The following GABPB1 variants were observed in gnomAD, a reference collection of about 807,000 sequenced individuals.
GABPB1 encodes the protein GA binding protein transcription factor subunit beta 1, also known as GA-binding protein subunit beta-1.
A neutral mutation model predicts 45.9 loss-of-function variants in GABPB1; 15 were observed. That is an observed-to-expected ratio of 0.33 (90% CI 0.22 to 0.50). GABPB1 has a LOEUF of 0.50. Among genes scored for constraint, GABPB1 ranks in the 20% least tolerant of loss-of-function variants. GABPB1 has a pLI of 0.98. For synonymous variants in GABPB1, 143 were observed against 154.4 expected, an observed-to-expected ratio of 0.93 and a Z score of 0.55; for missense variants, 252 against 457.5, an observed-to-expected ratio of 0.55 and a Z score of 4.10.
intron 1 of GABPB1, among the ~76,000 whole-genome samples, chr15:50,328,641 G>A (rs1350944436): frequency 6.6e-6 from 1 of 152,128 alleles, no homozygotes; most frequent in African/African-American, 2.4e-5. Flanking sequence ...TCCTTCCAAT[G>A]TAAAGTTATA....
intron 1 of GABPB1, among the ~76,000 whole-genome samples, chr15:50,332,997 C>T (rs1030272939): frequency 1.4e-4 from 22 of 152,128 alleles, no homozygotes; most frequent in Non-Finnish European, 2.5e-4. Context: ...TAAAAACATA[C>T]TGTCCAATAT....
rs2045840003 is a variant in GABPB1 at position 50,276,464 on chromosome 15, G to A, written c.*2168C>T. 1 of 152,230 alleles carries A rather than the reference G, an allele frequency of 6.6e-6. No homozygotes were observed. Among genetic ancestry groups the A allele is most frequent in the Non-Finnish European group, 1.5e-5 (1 of 68,032 alleles). 9.4% of individuals were successfully genotyped at this position (152,230 alleles called of 1,614,324 possible). A position where few individuals can be genotyped will look rare whatever the true frequency, so the allele number is the denominator to read the frequency against. On this transcript the variant is annotated 3_prime_UTR_variant, in exon 9 of 9. Transcript: ENST00000380877. ...GTAACAATGACTCTGAAAAAGGTGA[G>A]CTTCCTCCACAGATACCTGAGTACC...
intron 2 of GABPB1, among the ~76,000 whole-genome samples, chr15:50,308,035 A>G (rs2047006393): frequency 6.6e-6 from 1 of 151,886 alleles, no homozygotes; most frequent in Middle Eastern, 3.4e-3. Flanking sequence ...TCAGTTTACT[A>G]ATTTTCTCTT....
At chr15:50,326,666 A>C (rs2047778181) in intron 1 of GABPB1, among the ~76,000 whole-genome samples, 1 of 151,988 alleles carries the variant, frequency 6.6e-6, no homozygotes, top group Non-Finnish European at 1.5e-5. Context: ...CGTCTCAAAA[A>C]AAAAAATGAA....
chr15:50,303,164 T>G (rs764161622), intron 3 of GABPB1, 41 bp from the exon 4 acceptor site: 2 of 1,475,172 alleles, frequency 1.4e-6, no homozygotes, highest in African/African-American at 2.8e-5. Context: ...ATATGAAATA[T>G]CACATAAAAA....
rs139617495 is a variant in GABPB1, at chr15:50,302,500, C to T, written c.471+429G>A. Among the ~76,000 whole-genome samples, 1,285 of 151,786 alleles carry T rather than the reference C, an allele frequency of 8.5e-3. 26 individuals are homozygous for T. Among genetic ancestry groups the T allele is most frequent in the African/African-American group, 0.03 (1,227 of 41,396 alleles). On this transcript the variant is annotated intron_variant, in intron 4 of 8. Transcript: ENST00000380877. ...TCTACTTAAAACACAAAAAATTAGC[C>T]AGGCATGGCAGCATGCACCTGTAGT...
At chr15:50,294,860 C>T (rs1355713382) in intron 6 of GABPB1, among the ~76,000 whole-genome samples, 1 of 152,046 alleles carries the variant, frequency 6.6e-6, no homozygotes, top group African/African-American at 2.4e-5. Flanking sequence ...ATGCATTACA[C>T]CTTTGGAAAA....
At chr15:50,351,035 T>C (rs1002684696) in intron 1 of GABPB1, 2 of 152,208 alleles carry the variant, frequency 1.3e-5, no homozygotes, top group Admixed American at 6.5e-5. Context: ...TTTTGACACT[T>C]AGGTGTCTAC....
chr15:50,316,131 T>C (rs2047319131), intron 1 of GABPB1, among the ~76,000 whole-genome samples: 1 of 152,240 alleles, frequency 6.6e-6, no homozygotes, highest in African/African-American at 2.4e-5. Flanking sequence ...ACAACAAAAA[T>C]ATATTGCTTT....
chr15:50,340,330 G>A (rs2048304445), intron 1 of GABPB1, among the ~76,000 whole-genome samples: 1 of 152,066 alleles, frequency 6.6e-6, no homozygotes, highest in Non-Finnish European at 1.5e-5. Context: ...AGTTGGTCAA[G>A]TTCTATGAAG....
chr15:50,281,547 T>A (rs191506581), intron 8 of GABPB1, among the ~76,000 whole-genome samples: 1 of 152,198 alleles, frequency 6.6e-6, no homozygotes, highest in Non-Finnish European at 1.5e-5. Flanking sequence ...GGGCAGGATA[T>A]GTGAGCTATT....
intron 8 of GABPB1, among the ~76,000 whole-genome samples, chr15:50,281,748 T>C (rs568174744): frequency 3.5e-4 from 53 of 152,316 alleles, no homozygotes; most frequent in African/African-American, 7.0e-4. Context: ...CCAAAAATAT[T>C]TGGTACCTGG....
intron 1 of GABPB1, among the ~76,000 whole-genome samples, chr15:50,331,843 C>T (rs568494874): frequency 6.6e-6 from 1 of 151,596 alleles, no homozygotes; most frequent in East Asian, 1.9e-4. Flanking sequence ...TTATGCTTTC[C>T]ATTTGTCCCG....
intron 8 of GABPB1, among the ~76,000 whole-genome samples, chr15:50,284,283 T>G (rs1444779224): frequency 6.6e-6 from 1 of 152,238 alleles, no homozygotes; most frequent in Non-Finnish European, 1.5e-5. Context: ...ACCTGTATAC[T>G]CACTGTATGC....
In GABPB1 at chr15:50,277,068, T is replaced by A. The variant is rs2045847981; in HGVS notation, c.*1564A>T. ...CAGGCTGACAGACCATAGACCCCTT[T>A]ATTACATTAACAAATATACTGGTAA... On this transcript the variant is annotated 3_prime_UTR_variant, in exon 9 of 9. Transcript: ENST00000380877. The A allele has an allele frequency of 2.0e-5, 3 of 152,194 alleles. No individual in the cohort carries two copies. The South Asian group carries it at 6.2e-4, about 31-fold the overall frequency. 9.4% of individuals were successfully genotyped at this position (152,194 alleles called of 1,614,324 possible).
intron 1 of GABPB1, among the ~76,000 whole-genome samples, chr15:50,338,726 T>C (rs2048234789): frequency 6.6e-6 from 1 of 152,058 alleles, no homozygotes; most frequent in Non-Finnish European, 1.5e-5. Flanking sequence ...CACCCGGGCC[T>C]TGAAAAGTGC....
intron 5 of GABPB1, 65 bp from the exon 6 acceptor site, chr15:50,300,967 T>C: frequency 9.7e-7 from 1 of 1,025,800 alleles, no homozygotes; most frequent in Non-Finnish European, 1.5e-6. Flanking sequence ...ATTTCTGATA[T>C]TCTATTTATC....
At chr15:50,307,085 G>A (rs2046976150) in intron 2 of GABPB1, among the ~76,000 whole-genome samples, 1 of 152,038 alleles carries the variant, frequency 6.6e-6, no homozygotes, top group South Asian at 2.1e-4. Context: ...AGTCTTAGAA[G>A]CCCAACTGCT....
At chr15:50,354,607 A>G in intron 1 of GABPB1, 1 of 445,760 alleles carries the variant, frequency 2.2e-6, no homozygotes, top group Non-Finnish European at 4.5e-6. Context: ...TCGCCCGCAG[A>G]ACCTCCGCTG....
Sources: gnomAD v4.1 joint callset for allele counts (sites outside exome capture counted in the v4.1 genomes callset) on GRCh38, gnomAD v4.1.1 for gene constraint, MANE v1.5 for transcripts, NCBI Gene and HGNC (gene_info 2026-07-23, HGNC 2026-07-21) for gene names.